MYO5A: variants seen among roughly 807,000 people sequenced by gnomAD.
MYO5A encodes myosin VA.
A neutral mutation model predicts 249.7 loss-of-function variants in MYO5A; 98 were observed. The ratio of observed to expected loss-of-function variants is 0.39; its 90% CI spans 0.33 to 0.46. MYO5A has a LOEUF of 0.46. Among genes scored for constraint, MYO5A ranks in the 20% least tolerant of loss-of-function variants. MYO5A has a pLI of 0.98. For synonymous variants in MYO5A, 778 were observed against 810.6 expected (o/e 0.96, Z 0.68); for missense variants, 1,696 against 2,308.8 (o/e 0.73, Z 5.44).
chr15:52,512,963 G>A (rs1266125878), intron 1 of MYO5A, among the ~76,000 whole-genome samples: 6 of 150,732 alleles, frequency 4.0e-5, no homozygotes, highest in African/African-American at 1.5e-4. Flanking sequence ...AGCTGAGATC[G>A]CACCAGTGCA....
At chr15:52,427,579 G>A (rs1595662615) in intron 3 of MYO5A, among the ~76,000 whole-genome samples, 1 of 152,250 alleles carries the variant, frequency 6.6e-6, no homozygotes, top group East Asian at 1.9e-4. Flanking sequence ...GGAAAAGTTA[G>A]TATCAATGAT....
At chr15:52,491,264 G>C (rs2076930473) in intron 1 of MYO5A, among the ~76,000 whole-genome samples, 1 of 152,130 alleles carries the variant, frequency 6.6e-6, no homozygotes, top group Non-Finnish European at 1.5e-5. Context: ...CTACCAAGTT[G>C]AATTAAGAGG....
chr15:52,379,242 A>T (rs577527376), intron 18 of MYO5A, among the ~76,000 whole-genome samples: 2 of 152,324 alleles, frequency 1.3e-5, no homozygotes, highest in South Asian at 4.1e-4. Flanking sequence ...CACTACAGTT[A>T]AATATTATAC....
In MYO5A at chr15:52,493,428, C is replaced by T. The variant is rs527385705; in HGVS notation, c.27+35352G>A. Among the ~76,000 whole-genome samples the T allele has an allele frequency of 5.9e-5, 9 of 152,096 alleles. No homozygotes were observed. The South Asian group carries it at 6.2e-4, about 11-fold the overall frequency. ...CTGTAATCTCAGCACTTTGAGAGGT[C>T]GAGGCAGGCAGATCACTTGAGGTCA... On this transcript the variant is annotated intron_variant, in intron 1 of 41. Coordinates refer to ENST00000399233, the MANE Select transcript of MYO5A (RefSeq NM_001382347.1).
chr15:52,391,326 G>A (rs762014152), intron 12 of MYO5A, among the ~76,000 whole-genome samples: 6 of 152,140 alleles, frequency 3.9e-5, no homozygotes, highest in Non-Finnish European at 7.3e-5. Flanking sequence ...TTCATCACAT[G>A]CATCCTCAAT....
chr15:52,502,833 C>T (rs983877231), intron 1 of MYO5A, among the ~76,000 whole-genome samples: 6 of 152,138 alleles, frequency 3.9e-5, no homozygotes, highest in South Asian at 2.1e-4. Flanking sequence ...TCTCAGCAAA[C>T]GATACAAATT....
chr15:52,352,287 A>G (rs1177975735), intron 27 of MYO5A, among the ~76,000 whole-genome samples: 2 of 152,260 alleles, frequency 1.3e-5, no homozygotes, highest in Non-Finnish European at 2.9e-5. Flanking sequence ...CGACACTAGC[A>G]CACAAGTGTC....
rs368428226 is a variant in MYO5A at position 52,389,325 on chromosome 15, C to T, written c.1581G>A (p.Leu527=). The change falls in exon 13 of 42, where the codon TTG becomes TTA. Residue 527 remains leucine, a synonymous_variant. Coordinates refer to ENST00000399233, the MANE Select transcript of MYO5A (RefSeq NM_001382347.1). The part of the protein sequence containing the change: ...KGTDDTWAQK[L]YNTHLNKCAL... ...CACATTTGTTCAAATGTGTGTTGTA[C>T]AATTTTTGGGCCCAGGTGTCATCTG... The T allele has an allele frequency of 2.9e-5, 47 of 1,612,930 alleles. No homozygotes were observed. In the African/African-American group the frequency reaches 5.1e-4, roughly 17 times the overall value.
In MYO5A at chr15:52,375,492, T is replaced by C. The variant is rs9282795; in HGVS notation, c.2421-32A>G. The C allele has an allele frequency of 5.3e-3, 8,550 of 1,612,484 alleles. 34 individuals carry two copies. The highest frequency in any genetic ancestry group is 6.3e-3 in the Non-Finnish European group (7,441 of 1,178,992). ...AAAGAAAATAACATTATGTTGTCAG[T>C]AATCAGAAAAAAATGCAGGAATACA... is the stretch of plus-strand genomic sequence containing the variant. On this transcript the variant is annotated intron_variant, in intron 19 of 41. Coordinates refer to ENST00000399233, the MANE Select transcript of MYO5A (RefSeq NM_001382347.1).
intron 25 of MYO5A, among the ~76,000 whole-genome samples, chr15:52,356,967 C>T (rs2141037029): frequency 6.6e-6 from 1 of 152,000 alleles, no homozygotes; most frequent in Non-Finnish European, 1.5e-5. Flanking sequence ...CATTTGTCCA[C>T]AAATTAATTA....
intron 35 of MYO5A, 34 bp downstream of exon 35, chr15:52,330,319 G>T (rs778182333): frequency 1.2e-6 from 2 of 1,613,896 alleles, no homozygotes; most frequent in Non-Finnish European, 1.7e-6. Flanking sequence ...CCATGTGCCA[G>T]AAGGAACTTT....
chr15:52,506,509 AGAGT>A (rs2077274895), intron 1 of MYO5A, among the ~76,000 whole-genome samples: 1 of 150,916 alleles, frequency 6.6e-6, no homozygotes, highest in South Asian at 2.1e-4. Context: ...CCTGGGCAAC[AGAGT>A]GAGACCCTTT....
intron 9 of MYO5A, among the ~76,000 whole-genome samples, chr15:52,403,963 TA>T (rs2042877077): frequency 6.6e-6 from 1 of 152,116 alleles, no homozygotes; most frequent in Non-Finnish European, 1.5e-5. Flanking sequence ...CTTGGACTAA[TA>T]AATAAGTTAC....
At chr15:52,467,013 G>A (rs999682976) in intron 1 of MYO5A, among the ~76,000 whole-genome samples, 5 of 152,156 alleles carry the variant, frequency 3.3e-5, no homozygotes, top group African/African-American at 1.2e-4. Context: ...TATATCCAAG[G>A]AAATCATACA....
At chr15:52,503,924 A>G (rs892764203) in intron 1 of MYO5A, among the ~76,000 whole-genome samples, 2 of 152,220 alleles carry the variant, frequency 1.3e-5, no homozygotes, top group Admixed American at 6.5e-5. Flanking sequence ...CATGATCGAC[A>G]TTGCTTTACC....
At chr15:52,364,484 T>C in intron 24 of MYO5A, 70 bp downstream of exon 24, 2 of 1,434,020 alleles carry the variant, frequency 1.4e-6, no homozygotes, top group East Asian at 4.9e-5. Context: ...AGGTTCATTC[T>C]ACTATTCTAT....
chr15:52,370,067 G>A (rs963414670), intron 22 of MYO5A, 102 bp downstream of exon 22: 44 of 1,465,988 alleles, frequency 3.0e-5, no homozygotes, highest in Non-Finnish European at 4.2e-5. Flanking sequence ...AATTTGTACT[G>A]CATTTCTAAT....
In MYO5A at chr15:52,377,632, G is replaced by C. The variant is rs527602065; in HGVS notation, c.2209-1074C>G. ...GTCTCCCAAGCTGGAGTACAGTGCT[G>C]TAATCTCGGCTCACTGCAGCCTCCG... is the stretch of plus-strand genomic sequence containing the variant. On this transcript the variant is annotated intron_variant, in intron 18 of 41. Transcript: ENST00000399233. 7.0e-5 allele frequency among the ~76,000 whole-genome samples: 10 copies of C among 142,466 alleles called. No homozygotes were observed. The Admixed American group carries it at 7.4e-4, about 11-fold the overall frequency. The allele number at this position is 142,466 out of a possible 152,430, so 93.5% of individuals were successfully genotyped here.
At chr15:52,336,592 G>T in intron 33 of MYO5A, 36 bp from the exon 34 acceptor site, 1 of 1,442,276 alleles carries the variant, frequency 6.9e-7, no homozygotes. Context: ...TAGAAAAATC[G>T]AAACAGGCCT....
Sources: gnomAD v4.1 joint callset for allele counts (sites outside exome capture counted in the v4.1 genomes callset) on GRCh38, gnomAD v4.1.1 for gene constraint, MANE v1.5 for transcripts, NCBI Gene and HGNC (gene_info 2026-07-23, HGNC 2026-07-21) for gene names.